The following STOM variants were observed in gnomAD, a reference collection of about 807,000 sequenced individuals.
STOM encodes the protein stomatin, also known as erythrocyte band 7 integral membrane protein.
In STOM, 25 loss-of-function variants were observed where a neutral mutation model predicts 30.6. The ratio of observed to expected loss-of-function variants is 0.82; its 90% confidence interval spans 0.60 to 1.14. The LOEUF (loss-of-function observed/expected upper bound fraction) is 1.14. Among genes scored for constraint, STOM ranks in the 50% most tolerant of loss-of-function variants. The pLI, the probability that STOM is intolerant of heterozygous loss-of-function variation, is 0.00. For missense variants in STOM, 292 were observed against 365.2 expected (o/e 0.80, Z 1.63); for synonymous variants, 118 against 130.8 (o/e 0.90, Z 0.67).
At chr9:121,352,986 G>A (rs1341451158) in intron 4 of STOM, among the ~76,000 whole-genome samples, 3 of 152,068 alleles carry the variant, frequency 2.0e-5, no homozygotes, top group Non-Finnish European at 4.4e-5. Flanking sequence ...TCAGCTACTC[G>A]GGAGGCTGAG....
chr9:121,352,953 C>T (rs973988475), intron 4 of STOM, among the ~76,000 whole-genome samples: 4 of 152,018 alleles, frequency 2.6e-5, no homozygotes, highest in African/African-American at 4.8e-5. Context: ...ATTAGCCGGG[C>T]GTGGTGGCGC....
In STOM at chr9:121,353,221, T is replaced by C; in HGVS notation, c.320A>G (p.Glu107Gly). The change falls in exon 4 of 7, where the codon GAG becomes GGG. Residue 107 changes from glutamate to glycine, a missense_variant and splice_region_variant. Physicochemically the swap from Glu to Gly is moderately conservative, Grantham distance 98 (BLOSUM62 -2). Coordinates refer to ENST00000286713, the MANE Select transcript of STOM (RefSeq NM_004099.6). ...RTISFDIPPQ[E>G]ILTKDSVTIS... ...TCAGTTATTCAAAGAAAACCTTACCTCCTGAGGAGGAATATCAAATGAAAT... is the reference window on the plus strand; with the variant it reads ...TCAGTTATTCAAAGAAAACCTTACCCCCTGAGGAGGAATATCAAATGAAAT... 1 of 1,604,486 alleles carries C rather than the reference T, an allele frequency of 6.2e-7. No homozygotes were observed. The highest frequency in any genetic ancestry group is 8.5e-7 in the Non-Finnish European group (1 of 1,174,390).
At chr9:121,362,132 T>C (rs2064459159) in intron 1 of STOM, among the ~76,000 whole-genome samples, 1 of 152,206 alleles carries the variant, frequency 6.6e-6, no homozygotes, top group South Asian at 2.1e-4. Flanking sequence ...ATTTGAATTT[T>C]TGTATTGAAC....
intron 1 of STOM, among the ~76,000 whole-genome samples, chr9:121,368,974 T>C (rs908182712): frequency 6.6e-6 from 1 of 151,786 alleles, no homozygotes; most frequent in Non-Finnish European, 1.5e-5. Context: ...ACCTATTTAG[T>C]TTCAATTTTT....
At chr9:121,353,873 GTAACT>G (rs1210718189) in intron 3 of STOM, among the ~76,000 whole-genome samples, 2 of 152,182 alleles carry the variant, frequency 1.3e-5, no homozygotes, top group Admixed American at 1.3e-4. Flanking sequence ...CAGTCAAGAT[GTAACT>G]TCCAGAAAGC....
Position 121,339,510 on chromosome 9 carries a change from CA to C in STOM, c.*1691del. ...CTAAAATAAGCTTGAAATTGGGGTA[CA>C]GGGGAAGGGACATCCATTGGCTGGA... On this transcript the variant is annotated 3_prime_UTR_variant, in exon 7 of 7. Coordinates refer to ENST00000286713, the MANE Select transcript of STOM (RefSeq NM_004099.6). 1.6e-6 allele frequency: 2 copies of C among 1,225,040 alleles called. No individual in the cohort carries two copies. 75.9% of individuals were successfully genotyped at this position (1,225,040 alleles called of 1,614,324 possible). A position where few individuals can be genotyped will look rare whatever the true frequency, so the allele number is the denominator to read the frequency against.
intron 3 of STOM, among the ~76,000 whole-genome samples, chr9:121,354,183 C>T (rs2064364735): frequency 6.6e-6 from 1 of 152,106 alleles, no homozygotes; most frequent in Admixed American, 6.5e-5. Context: ...TATAGCTGTA[C>T]TGTTCTTGGC....
At chr9:121,356,792 G>A (rs1429890792) in intron 1 of STOM, among the ~76,000 whole-genome samples, 1 of 152,130 alleles carries the variant, frequency 6.6e-6, no homozygotes, top group Non-Finnish European at 1.5e-5. Context: ...AGACCAGCCT[G>A]ATCAACATGA....
intron 1 of STOM, among the ~76,000 whole-genome samples, chr9:121,369,277 C>T (rs1489876546): frequency 1.3e-5 from 2 of 152,216 alleles, no homozygotes; most frequent in Non-Finnish European, 2.9e-5. Flanking sequence ...ATTGCTTTCA[C>T]TGCCATCCTG....
chr9:121,369,207 T>C (rs1019697125), intron 1 of STOM, among the ~76,000 whole-genome samples: 26 of 152,186 alleles, frequency 1.7e-4, no homozygotes, highest in African/African-American at 6.3e-4. Flanking sequence ...ATAATCAGAA[T>C]AGATGACTCC....
chr9:121,347,953 T>G lies in STOM; in HGVS notation c.660+62A>C, dbSNP rs959355831. 4 of 1,524,492 alleles carry G rather than the reference T, an allele frequency of 2.6e-6. No individual in the cohort carries two copies. In the African/African-American group the frequency reaches 4.3e-5, roughly 16 times the overall value. The allele number at this position is 1,524,492 out of a possible 1,614,324, so 94.4% of individuals were successfully genotyped here. ...TTTACAGCAAGCATGTTTTACGTTTTTTTATAATTATTAATAAAAGAGAAA... is the reference window on the plus strand; with the variant it reads ...TTTACAGCAAGCATGTTTTACGTTTGTTTATAATTATTAATAAAAGAGAAA... On this transcript the variant is annotated intron_variant, in intron 6 of 6. Transcript: ENST00000286713.
chr9:121,366,184 T>C (rs1564633596), intron 1 of STOM: 2 of 985,270 alleles, frequency 2.0e-6, no homozygotes, highest in East Asian at 1.1e-4. Flanking sequence ...TAGGACTTTA[T>C]TGGTTGTATC....
intron 6 of STOM, among the ~76,000 whole-genome samples, chr9:121,343,808 T>A (rs1261869407): frequency 6.6e-6 from 1 of 152,132 alleles, no homozygotes; most frequent in Non-Finnish European, 1.5e-5. Flanking sequence ...AGCTGCAGAA[T>A]GATTTTAAGC....
chr9:121,345,883 G>A (rs1489453730), intron 6 of STOM, among the ~76,000 whole-genome samples: 1 of 152,178 alleles, frequency 6.6e-6, no homozygotes, highest in Non-Finnish European at 1.5e-5. Flanking sequence ...TCAACTGTGC[G>A]ACCTTGCGGA....
chr9:121,354,449 G>T, intron 3 of STOM, 152 bp downstream of exon 3: 1 of 560,264 alleles, frequency 1.8e-6, no homozygotes, highest in Non-Finnish European at 3.1e-6. Context: ...GAGGTCAGGA[G>T]TTCAAGGCTG....
intron 1 of STOM, among the ~76,000 whole-genome samples, chr9:121,360,078 C>T (rs2064435558): frequency 6.6e-6 from 1 of 152,180 alleles, no homozygotes; most frequent in Admixed American, 6.5e-5. Flanking sequence ...CCATAACATA[C>T]TAGAGTAAAA....
chr9:121,369,602 G>GT (rs2064542584), intron 1 of STOM, among the ~76,000 whole-genome samples: 1 of 151,990 alleles, frequency 6.6e-6, no homozygotes, highest in Non-Finnish European at 1.5e-5. Flanking sequence ...AGAAAGAGAG[G>GT]TAAGAAGAAA....
chr9:121,357,908 CA>C (rs72071972), intron 1 of STOM, among the ~76,000 whole-genome samples: 26,191 of 151,708 alleles, frequency 0.17, 2,935 homozygotes, highest in East Asian at 0.3. Context: ...ATGATTAGTA[CA>C]AAAAAAGGGC....
chr9:121,353,398 G>C, intron 3 of STOM, 96 bp from the exon 4 acceptor site: 2 of 688,778 alleles, frequency 2.9e-6, no homozygotes, highest in Non-Finnish European at 4.6e-6. Flanking sequence ...GAACTGAAAA[G>C]TCACCAGTTC....
Sources: gnomAD v4.1 joint callset for allele counts (sites outside exome capture counted in the v4.1 genomes callset) on GRCh38, gnomAD v4.1.1 for gene constraint, MANE v1.5 for transcripts, NCBI Gene and HGNC (gene_info 2026-07-23, HGNC 2026-07-21) for gene names.